RIN2: variants seen among roughly 807,000 people sequenced by gnomAD.
The protein encoded by RIN2 is Ras and Rab interactor 2.
A neutral mutation model predicts 78.0 loss-of-function variants in RIN2; 36 were observed. The observed-to-expected ratio is 0.46, with a 90% CI of 0.35 to 0.61. The LOEUF is 0.61. Ranked by LOEUF, RIN2 falls within the 20% of genes least tolerant of loss-of-function variation. RIN2 has a pLI of 0.00. For missense variants in RIN2, 1,087 were observed against 1,159.7 expected (o/e 0.94, Z 0.91); for synonymous variants, 466 against 466.8 (o/e 1.00, Z 0.02).
intron 2 of RIN2, among the ~76,000 whole-genome samples, chr20:19,873,083 C>T (rs996989364): frequency 1.3e-5 from 2 of 151,544 alleles, no homozygotes; most frequent in Non-Finnish European, 1.5e-5. Flanking sequence ...ATATATAACA[C>T]ACTTTTTCTT....
intron 3 of RIN2, among the ~76,000 whole-genome samples, chr20:19,891,876 AT>A (rs1423339852): frequency 6.6e-6 from 1 of 152,234 alleles, no homozygotes; most frequent in Non-Finnish European, 1.5e-5. Flanking sequence ...GCCTTTGAAC[AT>A]TTCTTAGGAA....
intron 3 of RIN2, among the ~76,000 whole-genome samples, chr20:19,915,440 T>C (rs1168614552): frequency 6.6e-6 from 1 of 152,154 alleles, no homozygotes; most frequent in African/African-American, 2.4e-5. Flanking sequence ...CAGAGCTTCC[T>C]CAGCTGTGGG....
In RIN2 at chr20:19,984,342, G is replaced by A. The variant is rs1000801637; in HGVS notation, c.1763-5664G>A. 5.2e-4 allele frequency among the ~76,000 whole-genome samples: 79 copies of A among 152,164 alleles called. 1 individual carries two copies. Among genetic ancestry groups the A allele is most frequent in the Admixed American group, 5.2e-3 (79 of 15,270 alleles). ...ATACCTAGGCTATATGGTATATCCTGCTGCTTCTAGGCTACAAACCTGGAC... is the reference window on the plus strand; with the variant it reads ...ATACCTAGGCTATATGGTATATCCTACTGCTTCTAGGCTACAAACCTGGAC... On this transcript the variant is annotated intron_variant, in intron 9 of 12. Transcript: ENST00000255006.
In RIN2 at chr20:19,811,720, A is replaced by G. The variant is rs565366362; in HGVS notation, c.-37+11973A>G. ...GTTACTTAAATTTGGACACAATCATACAGCGAACCATTATAACCACTAAAA... is the reference window on the plus strand; with the variant it reads ...GTTACTTAAATTTGGACACAATCATGCAGCGAACCATTATAACCACTAAAA... On this transcript the variant is annotated intron_variant, in intron 2 of 12. Coordinates refer to ENST00000255006, the MANE Select transcript of RIN2 (RefSeq NM_018993.4). Among the ~76,000 whole-genome samples the G allele has an allele frequency of 1.9e-4, 29 of 152,310 alleles. No homozygotes were observed. In the South Asian group the frequency reaches 5.8e-3, roughly 30 times the overall value.
At chr20:19,877,323 A>G (rs1264268053) in intron 2 of RIN2, among the ~76,000 whole-genome samples, 1 of 152,204 alleles carries the variant, frequency 6.6e-6, no homozygotes, top group Non-Finnish European at 1.5e-5. Context: ...AAGTGTGCAT[A>G]TCTCAGACAC....
At chr20:19,894,036 C>T (rs1394094049) in intron 3 of RIN2, among the ~76,000 whole-genome samples, 2 of 152,172 alleles carry the variant, frequency 1.3e-5, no homozygotes, top group Non-Finnish European at 2.9e-5. Context: ...GGTGCCACCA[C>T]ACTCCAGCCT....
Position 19,964,981 on chromosome 20 carries a change from T to C in RIN2, c.493T>C (p.Phe165Leu). The change falls in exon 7 of 13, where the codon TTC becomes CTC. Residue 165 changes from phenylalanine (F) to leucine (L), a missense_variant. Coordinates refer to ENST00000255006, the MANE Select transcript of RIN2 (RefSeq NM_018993.4). ...TFSLEGSGIS[F>L]ADLFRLIAFY... ...TTCCCTGGAAGGCTCAGGAATCAGT[T>C]TCGCAGATTTATTCCGGCTCATTGC... is the stretch of plus-strand genomic sequence containing the variant. 1 of 1,613,694 alleles carries C rather than the reference T, an allele frequency of 6.2e-7. No homozygotes were observed.
intron 1 of RIN2, among the ~76,000 whole-genome samples, chr20:19,767,689 C>T (rs2033945685): frequency 6.6e-6 from 1 of 151,904 alleles, no homozygotes; most frequent in Non-Finnish European, 1.5e-5. Context: ...TTTGTGGGGG[C>T]TAAGGCGGGT....
chr20:19,888,014 CT>C (rs11479899), intron 2 of RIN2, among the ~76,000 whole-genome samples: 75,618 of 151,854 alleles, frequency 0.5, 18,838 homozygotes, highest in Non-Finnish European at 0.51. Context: ...AACCTGTGGC[CT>C]TTTGCTAATG....
chr20:19,901,407 C>T (rs983599597), intron 3 of RIN2, among the ~76,000 whole-genome samples: 1 of 151,574 alleles, frequency 6.6e-6, no homozygotes, highest in Non-Finnish European at 1.5e-5. Context: ...GAACAGAACC[C>T]TGCAACATGC....
At chr20:19,908,197 G>C (rs1265327701) in intron 3 of RIN2, among the ~76,000 whole-genome samples, 1 of 152,086 alleles carries the variant, frequency 6.6e-6, no homozygotes, top group East Asian at 1.9e-4. Context: ...AGGAACTTCA[G>C]AGTTTGGACA....
At chr20:19,910,800 T>A (rs1250586101) in intron 3 of RIN2, among the ~76,000 whole-genome samples, 2 of 152,062 alleles carry the variant, frequency 1.3e-5, no homozygotes, top group African/African-American at 4.8e-5. Context: ...ACTCTTGACC[T>A]CAAGTGATCC....
At chr20:19,768,064 G>C (rs564864018) in intron 1 of RIN2, among the ~76,000 whole-genome samples, 133 of 152,282 alleles carry the variant, frequency 8.7e-4, no homozygotes, top group African/African-American at 3.0e-3. Context: ...CAACTTAGGA[G>C]AGCGTCATGT....
At position 19,960,761 on chromosome 20, in the gene RIN2, G is replaced by A. The variant is rs1307984193; in HGVS notation, c.413G>A (p.Cys138Tyr). ...QKKVLSLRLP[C>Y]EFGAPLKEFA... ...AAAGTCCTCTCCCTCCGCCTGCCCT[G>A]TGAATTTGGGGCCCCACTCAAGGAA... Residue 138 changes from cysteine (C) to tyrosine (Y), a missense_variant, in exon 6 of 13, where the codon TGT (cysteine) becomes TAT (tyrosine). This residue lies in a region of RIN2 where 706 missense variants were observed against 667.5 expected (regional missense o/e 1.06). Coordinates refer to ENST00000255006, the MANE Select transcript of RIN2 (RefSeq NM_018993.4). 6.2e-7 allele frequency: 1 copy of A among 1,604,792 alleles called. No individual in the cohort carries two copies. Among genetic ancestry groups the A allele is most frequent in the South Asian group, 1.1e-5 (1 of 88,580 alleles).
chr20:19,885,195 C>G (rs547783965), intron 2 of RIN2, among the ~76,000 whole-genome samples: 53 of 152,078 alleles, frequency 3.5e-4, no homozygotes, highest in African/African-American at 1.2e-3. Flanking sequence ...TGGGTTTGCA[C>G]TTGTGACCTA....
intron 4 of RIN2, among the ~76,000 whole-genome samples, chr20:19,951,343 T>A (rs2041309135): frequency 6.6e-6 from 1 of 152,214 alleles, no homozygotes; most frequent in Admixed American, 6.5e-5. Flanking sequence ...GGTTTTGCTG[T>A]CACTGAAATT....
Position 19,975,716 on chromosome 20 carries a change from T to G in RIN2, c.1691T>G (p.Val564Gly). Reference sequence around the variant, plus strand: ...ACCATCCGGCAGTTCATGACCCAGGTCAAGAACTATTTGTCTCAGAGCTCG... The same window carrying G: ...ACCATCCGGCAGTTCATGACCCAGGGCAAGAACTATTTGTCTCAGAGCTCG... ...LQTIRQFMTQVKNYLSQSSEL... is the reference protein window; with the variant it reads ...LQTIRQFMTQGKNYLSQSSEL... Residue 564 changes from valine (V) to glycine (G), a missense_variant, in exon 9 of 13, where the codon GTC (valine) becomes GGC (glycine). Around this residue, in one of 8 missense-constraint regions of RIN2, gnomAD observed 39 missense variants for 34.9 expected, o/e 1.12. Transcript: ENST00000255006. This position sits in a 1 kb window ranked among gnomAD's most constrained non-coding sequence, Gnocchi z 4.9. 6.2e-7 allele frequency: 1 copy of G among 1,613,460 alleles called. No homozygotes were observed. Among genetic ancestry groups the G allele is most frequent in the Non-Finnish European group, 8.5e-7 (1 of 1,179,846 alleles).
intron 2 of RIN2, among the ~76,000 whole-genome samples, chr20:19,864,083 C>T (rs1209537360): frequency 1.3e-5 from 2 of 150,792 alleles, no homozygotes; most frequent in African/African-American, 4.9e-5. Flanking sequence ...AACAGTTATA[C>T]GATGGATATC....
chr20:19,764,756 T>C (rs1457544244), intron 1 of RIN2, among the ~76,000 whole-genome samples: 3 of 152,034 alleles, frequency 2.0e-5, no homozygotes. Flanking sequence ...TCATTTGAGA[T>C]CATTTGGCAG....
Sources: allele counts gnomAD v4.1 joint callset (sites outside exome capture counted in the v4.1 genomes callset), GRCh38; gene constraint gnomAD v4.1.1; regional missense constraint gnomAD v4.1.1; non-coding constraint Gnocchi (gnomAD v3.1); transcripts MANE v1.5; gene names NCBI Gene and HGNC (gene_info 2026-07-23, HGNC 2026-07-21).